SLC4A11: variants seen among roughly 807,000 people sequenced by gnomAD.
The protein encoded by SLC4A11 is bicarbonate transporter related protein 1.
In SLC4A11, 74 loss-of-function variants were observed where a neutral mutation model predicts 95.0. That is an observed-to-expected ratio of 0.78 (90% CI 0.65 to 0.95). The LOEUF (loss-of-function observed/expected upper bound fraction) is 0.95, where lower values mean the gene tolerates loss of function less well. SLC4A11 is among the 40% of genes least tolerant of loss of function. SLC4A11 has a pLI of 0.00. For missense variants in SLC4A11, 1,081 were observed against 1,192.4 expected (o/e 0.91, Z 1.38); for synonymous variants, 548 against 519.0 (o/e 1.06, Z -0.76).
chr20:3,229,458 G>C lies in SLC4A11; in HGVS notation c.1743-6C>G. On this transcript the variant is annotated splice_region_variant and splice_polypyrimidine_tract_variant and intron_variant, in intron 14 of 19. Transcript: ENST00000642402. ...CGCAGGGGTGCAGGTAGGGGCTGGG[G>C]ACAGCAGGTGCATGAGCACAGCCTT... The C allele has an allele frequency of 1.2e-6, 2 of 1,613,156 alleles. No homozygotes were observed. Among genetic ancestry groups the C allele is most frequent in the Non-Finnish European group, 1.7e-6 (2 of 1,180,006 alleles).
chr20:3,228,459 G>A, intron 18 of SLC4A11, 31 bp from the exon 19 acceptor site: 1 of 1,612,952 alleles, frequency 6.2e-7, no homozygotes, highest in Non-Finnish European at 8.5e-7. Context: ...GTGTGGGCAG[G>A]CATGGGGCTG....
chr20:3,230,207 G>T lies in SLC4A11; in HGVS notation c.1469C>A (p.Ala490Asp), dbSNP rs1239041500. ...LFISITFVLD[A>D]VKGTVKIFWK... ...CTCACTTTTAACCGTGCCCTTGACG[G>T]CATCCAGCACAAACGTGATGGAAAT... The change falls in exon 13 of 20, where the codon GCC becomes GAC. Residue 490 changes from alanine (A) to aspartate (D), a missense_variant. Coordinates refer to ENST00000642402, the MANE Select transcript of SLC4A11 (RefSeq NM_001174089.2). 1 of 1,613,580 alleles carries T rather than the reference G, an allele frequency of 6.2e-7. No homozygotes were observed. Among genetic ancestry groups the T allele is most frequent in the Non-Finnish European group, 8.5e-7 (1 of 1,180,018 alleles).
rs1375600617 is a variant in SLC4A11, at chr20:3,229,599, G to A, written c.1667C>T (p.Ala556Val). Residue 556 changes from alanine (A) to valine (V), a missense_variant, in exon 14 of 20, where the codon GCG becomes GTG. Ala to Val is a moderately conservative substitution (Grantham distance 64). This residue lies in a region of SLC4A11 where 767 missense variants were observed against 858.0 expected (regional missense o/e 0.89). Transcript: ENST00000642402. ...GATGAGGAGGCTGAGCACGGCGGTC[G>A]CCTGGCCTGAGTGTGTGGCCGAGGG... ...ELPSATHSGQATAVLSLLIML... is the reference protein window; with the variant it reads ...ELPSATHSGQVTAVLSLLIML... The A allele has an allele frequency of 6.2e-7, 1 of 1,612,560 alleles. No homozygotes were observed. Among genetic ancestry groups the A allele is most frequent in the African/African-American group, 1.3e-5 (1 of 75,020 alleles).
At chr20:3,230,296 T>G (rs764099132) in intron 12 of SLC4A11, 36 bp from the exon 13 acceptor site, 1 of 1,611,926 alleles carries the variant, frequency 6.2e-7, no homozygotes, top group Admixed American at 1.7e-5. Flanking sequence ...AGAGTGGGTG[T>G]GGTCAGGGGG....
intron 2 of SLC4A11, among the ~76,000 whole-genome samples, chr20:3,236,876 A>G (rs2067998140): frequency 6.6e-6 from 1 of 152,076 alleles, no homozygotes; most frequent in African/African-American, 2.4e-5. Flanking sequence ...AGCTGACACT[A>G]CCAGGTTCCT....
intron 7 of SLC4A11, among the ~76,000 whole-genome samples, chr20:3,233,129 G>A (rs1369444457): frequency 2.0e-5 from 3 of 152,196 alleles, no homozygotes; most frequent in East Asian, 3.9e-4. Context: ...TATCAGTTCC[G>A]GCTCCCACAA....
In SLC4A11 at chr20:3,234,150, G is replaced by A. The variant is rs1600597937; in HGVS notation, c.456C>T (p.Pro152=). 6.2e-7 allele frequency: 1 copy of A among 1,614,124 alleles called. No individual in the cohort carries two copies. Among genetic ancestry groups the A allele is most frequent in the Non-Finnish European group, 8.5e-7 (1 of 1,180,016 alleles). Residue 152 remains proline (P), a synonymous_variant, in exon 5 of 20, where the codon CCC becomes CCT. Coordinates refer to ENST00000642402, the MANE Select transcript of SLC4A11 (RefSeq NM_001174089.2). This position sits in a 1 kb window ranked among gnomAD's most constrained non-coding sequence, Gnocchi z 5.8. The part of the protein sequence containing the change: ...RFARDPDNNE[P]NCNLDLLMAM... ...CCATGAGCAGGTCCAGGTTGCAGTT[G>A]GGCTCATTGTTGTCAGGGTCCCTGG...
chr20:3,230,499 C>T lies in SLC4A11; in HGVS notation c.1415+16G>A, dbSNP rs747767121. The T allele has an allele frequency of 1.8e-5, 29 of 1,613,540 alleles. No individual in the cohort carries two copies. The highest frequency in any genetic ancestry group is 1.1e-4 in the African/African-American group (8 of 74,932). On this transcript the variant is annotated intron_variant, in intron 12 of 19. Coordinates refer to ENST00000642402, the MANE Select transcript of SLC4A11 (RefSeq NM_001174089.2). ...AAGCCTTGAGGGTCCCAGCAGCTCA[C>T]GGAAGGGCCAGTCACCTCTTGAAGA...
intron 19 of SLC4A11, 140 bp downstream of exon 19, chr20:3,228,119 G>A: frequency 9.6e-7 from 1 of 1,045,160 alleles, no homozygotes. Context: ...CCCTAGGCAG[G>A]ACCCCTCCTC....
In SLC4A11 at chr20:3,233,903, A is replaced by G; in HGVS notation, c.605+18T>C. 6.2e-7 allele frequency: 1 copy of G among 1,611,704 alleles called. No homozygotes were observed. Among genetic ancestry groups the G allele is most frequent in the African/African-American group, 1.3e-5 (1 of 74,986 alleles). On this transcript the variant is annotated intron_variant, in intron 6 of 19. Coordinates refer to ENST00000642402, the MANE Select transcript of SLC4A11 (RefSeq NM_001174089.2). ...TCCACTGCGACAAGAAGGGGGGCCA[A>G]GTGGCCTGGCAACTCACATGATGCA...
chr20:3,228,395 C>T lies in SLC4A11; in HGVS notation c.2422G>A (p.Val808Met), dbSNP rs757244518. 9 of 1,613,220 alleles carry T rather than the reference C, an allele frequency of 5.6e-6. No individual in the cohort carries two copies. In the South Asian group the frequency reaches 9.9e-5, roughly 18 times the overall value. ...AAGTAGTGGATCTTCCTCTGGGGCACCCTCCGGATGTAGTGTGTCGGGGGG... is the reference window on the plus strand; with the variant it reads ...AAGTAGTGGATCTTCCTCTGGGGCATCCTCCGGATGTAGTGTGTCGGGGGG... ...AYPPTHYIRR[V>M]PQRKIHYFTG... The change falls in exon 19 of 20, where the codon GTG (valine) becomes ATG (methionine). Residue 808 changes from valine (V) to methionine (M), a missense_variant. By Grantham distance (21) the Val-to-Met change is conservative (BLOSUM62 1). Transcript: ENST00000642402.
chr20:3,237,820 G>T (rs2068032300), intron 1 of SLC4A11: 1 of 1,569,850 alleles, frequency 6.4e-7, no homozygotes, highest in Admixed American at 1.9e-5. Context: ...TCTGCTAGGG[G>T]CTGCCCAGGC....
In SLC4A11 at chr20:3,234,062, G is replaced by C. The variant is rs369588812; in HGVS notation, c.523+21C>G. 2 of 1,613,682 alleles carry C rather than the reference G, an allele frequency of 1.2e-6. No homozygotes were observed. Among genetic ancestry groups the C allele is most frequent in the Non-Finnish European group, 8.5e-7 (1 of 1,179,930 alleles). ...ACAGCCCCTCCCAACGCCCCCGCCC[G>C]GGCCGGGAGACCGGCCTCACCTTTA... On this transcript the variant is annotated intron_variant, in intron 5 of 19. Coordinates refer to ENST00000642402, the MANE Select transcript of SLC4A11 (RefSeq NM_001174089.2). This position sits in a 1 kb window ranked among gnomAD's most constrained non-coding sequence, Gnocchi z 5.8.
At position 3,231,266 on chromosome 20, in the gene SLC4A11, G is replaced by C; in HGVS notation, c.949-24C>G. 1 of 1,613,432 alleles carries C rather than the reference G, an allele frequency of 6.2e-7. No homozygotes were observed. The highest frequency in any genetic ancestry group is 8.5e-7 in the Non-Finnish European group (1 of 1,179,802). On this transcript the variant is annotated intron_variant, in intron 8 of 19. Coordinates refer to ENST00000642402, the MANE Select transcript of SLC4A11 (RefSeq NM_001174089.2). This position sits in a 1 kb window ranked among gnomAD's most constrained non-coding sequence, Gnocchi z 5.2. ...GGCTGGAGGAGAGGACAGAGCGCCT[G>C]TTAGCCCTGTCCGGCCCATGCCCCC...
At chr20:3,228,223 C>G in intron 19 of SLC4A11, 36 bp downstream of exon 19, 1 of 1,518,454 alleles carries the variant, frequency 6.6e-7, no homozygotes, top group Non-Finnish European at 8.9e-7. Flanking sequence ...CACACCTAGA[C>G]TGGGCCCCTC....
In SLC4A11 at chr20:3,231,658, T is replaced by C. The variant is rs999027200; in HGVS notation, c.730-110A>G. The C allele has an allele frequency of 3.2e-6, 3 of 946,420 alleles. No individual in the cohort carries two copies. The African/African-American group carries it at 4.9e-5, about 16-fold the overall frequency. The allele number at this position is 946,420 out of a possible 1,614,324, so 58.6% of individuals were successfully genotyped here. On this transcript the variant is annotated intron_variant, in intron 7 of 19. Coordinates refer to ENST00000642402, the MANE Select transcript of SLC4A11 (RefSeq NM_001174089.2). This position sits in a 1 kb window ranked among gnomAD's most constrained non-coding sequence, Gnocchi z 5.2. ...TGGCAGCAGGTTTTTTGTCTGTTTG[T>C]TTTTTGTGTTTTTTTGAGACAGGGT...
At position 3,229,030 on chromosome 20, in the gene SLC4A11, C is replaced by CT. The variant is rs1568529216; in HGVS notation, c.2019-20_2019-19insA. The CT allele has an allele frequency of 6.2e-7, 1 of 1,609,722 alleles. No individual in the cohort carries two copies. The highest frequency in any genetic ancestry group is 8.5e-7 in the Non-Finnish European group (1 of 1,178,748). On this transcript the variant is annotated intron_variant, in intron 16 of 19. Coordinates refer to ENST00000642402, the MANE Select transcript of SLC4A11 (RefSeq NM_001174089.2). The stretch of plus-strand genomic sequence containing the variant: ...CACCAGCCTGCAGCAGACGGGCACT[C>CT]GTGGACAGAGCCCCACAGCAGAGGC...
chr20:3,234,823 T>C lies in SLC4A11; in HGVS notation c.160A>G (p.Thr54Ala), dbSNP rs1210973842. ...EEILGDEAFD[T>A]ANSSIVSGES... Reference sequence around the variant, plus strand: ...CCAGACACGATGGAGGAGTTGGCAGTGTCGAAGGCCTCATCCCCCAGGATC... The same window carrying C: ...CCAGACACGATGGAGGAGTTGGCAGCGTCGAAGGCCTCATCCCCCAGGATC... The change falls in exon 3 of 20, where the codon ACT becomes GCT. Residue 54 changes from threonine (T) to alanine (A), a missense_variant. By Grantham distance (58) the Thr-to-Ala change is moderately conservative. Transcript: ENST00000642402. This position sits in a 1 kb window ranked among gnomAD's most constrained non-coding sequence, Gnocchi z 5.8. 1 of 1,613,922 alleles carries C rather than the reference T, an allele frequency of 6.2e-7. No individual in the cohort carries two copies. The highest frequency in any genetic ancestry group is 1.6e-4 in the Middle Eastern group (1 of 6,062).
At chr20:3,237,686 G>C (rs745359955) in intron 1 of SLC4A11, 98 bp from the exon 2 acceptor site, 22 of 1,613,926 alleles carry the variant, frequency 1.4e-5, no homozygotes, top group Admixed American at 5.0e-5. Flanking sequence ...TCATTCCTTC[G>C]CTCTTCCGAG....
Sources: gnomAD v4.1 joint callset for allele counts (sites outside exome capture counted in the v4.1 genomes callset) on GRCh38, gnomAD v4.1.1 for gene constraint, gnomAD v4.1.1 regional missense constraint, Gnocchi (gnomAD v3.1) non-coding constraint, MANE v1.5 for transcripts, NCBI Gene and HGNC (gene_info 2026-07-23, HGNC 2026-07-21) for gene names.